The following ZBTB7C variants were observed in gnomAD, a reference collection of about 807,000 sequenced individuals.
The protein encoded by ZBTB7C is zinc finger and BTB domain-containing protein 7C.
ZBTB7C carries 8 observed loss-of-function variants against 25.7 expected under a neutral mutation model. That is an observed-to-expected ratio of 0.31 (90% CI 0.18 to 0.56). The LOEUF (loss-of-function observed/expected upper bound fraction) is 0.56. Among genes scored for constraint, ZBTB7C ranks in the 20% least tolerant of loss-of-function variants. ZBTB7C has a pLI of 0.91. For missense variants in ZBTB7C, 824 were observed against 855.2 expected (o/e 0.96, Z 0.46); for synonymous variants, 394 against 369.0 (o/e 1.07, Z -0.78).
intron 1 of ZBTB7C, among the ~76,000 whole-genome samples, chr18:48,374,952 C>G (rs1208120578): frequency 7.2e-6 from 1 of 139,206 alleles, no homozygotes; most frequent in East Asian, 1.9e-4. Flanking sequence ...GGGTGGGACC[C>G]AAGCTCTTCA....
chr18:48,180,920 A>G lies in ZBTB7C; in HGVS notation c.-17+5014T>C, dbSNP rs200837985. On this transcript the variant is annotated intron_variant, in intron 3 of 4. Coordinates refer to ENST00000590800, the MANE Select transcript of ZBTB7C (RefSeq NM_001318841.2). ...TGATGCAGTCCATTTTAAGTTTTCT[A>G]ACCAGACTGCTTGGCTTCAGATTCC... Among the ~76,000 whole-genome samples, 6 of 152,344 alleles carry G rather than the reference A, an allele frequency of 3.9e-5. No individual in the cohort carries two copies. The East Asian group carries it at 1.2e-3, about 29-fold the overall frequency.
At chr18:48,210,761 T>C (rs540052186) in intron 2 of ZBTB7C, among the ~76,000 whole-genome samples, 2 of 152,268 alleles carry the variant, frequency 1.3e-5, no homozygotes, top group Admixed American at 6.5e-5. Context: ...TCCATGAATG[T>C]CCTAAAAACT....
intron 4 of ZBTB7C, 34 bp downstream of exon 4, chr18:48,039,866 C>T (rs750298697): frequency 1.9e-6 from 3 of 1,602,018 alleles, no homozygotes; most frequent in South Asian, 1.1e-5. Context: ...GGCCTCTGGC[C>T]CCGTGCCCCA....
At chr18:48,395,781 G>C (rs1172144466) in intron 1 of ZBTB7C, among the ~76,000 whole-genome samples, 1 of 152,138 alleles carries the variant, frequency 6.6e-6, no homozygotes, top group Non-Finnish European at 1.5e-5. Flanking sequence ...TGAAGAACAG[G>C]ACATTAGGGA....
At chr18:48,393,256 C>T (rs2047945243) in intron 1 of ZBTB7C, among the ~76,000 whole-genome samples, 2 of 124,454 alleles carry the variant, frequency 1.6e-5, no homozygotes, top group Admixed American at 1.8e-4. Context: ...CTCCCCACCC[C>T]CCACCCCTGC....
chr18:48,233,248 A>AC (rs1472100519), intron 2 of ZBTB7C, among the ~76,000 whole-genome samples: 2 of 151,238 alleles, frequency 1.3e-5, no homozygotes, highest in Non-Finnish European at 2.9e-5. Context: ...CTCTCCCTTC[A>AC]CCCCCCACCT....
At chr18:48,221,862 T>TCCTCTATACTGTCCTAGTCG (rs1568312172) in intron 2 of ZBTB7C, among the ~76,000 whole-genome samples, 15 of 97,674 alleles carry the variant, frequency 1.5e-4, no homozygotes, top group African/African-American at 4.6e-4. Context: ...TGTCCTAGTC[T>TCCTCTATACTGTCCTAGTCG]CCCTCTATAC....
intron 3 of ZBTB7C, among the ~76,000 whole-genome samples, chr18:48,094,214 C>A (rs1158756372): frequency 6.6e-6 from 1 of 152,200 alleles, no homozygotes; most frequent in Non-Finnish European, 1.5e-5. Flanking sequence ...GTCACAGCTG[C>A]CTGGATAATG....
At chr18:48,258,885 G>A (rs952592665) in intron 2 of ZBTB7C, among the ~76,000 whole-genome samples, 1 of 152,166 alleles carries the variant, frequency 6.6e-6, no homozygotes, top group Non-Finnish European at 1.5e-5. Flanking sequence ...TGGAACTCCT[G>A]ACCTCAGGTT....
At chr18:48,401,691 TC>T (rs2048162355) in intron 1 of ZBTB7C, among the ~76,000 whole-genome samples, 1 of 151,680 alleles carries the variant, frequency 6.6e-6, no homozygotes. Flanking sequence ...GTTTGAAGAG[TC>T]CCCATCTCTT....
chr18:48,297,474 T>TA (rs2144723029), intron 2 of ZBTB7C, among the ~76,000 whole-genome samples: 2 of 152,280 alleles, frequency 1.3e-5, no homozygotes, highest in South Asian at 4.1e-4. Flanking sequence ...CTGACTTTTC[T>TA]ACTTGTCCCT....
intron 2 of ZBTB7C, among the ~76,000 whole-genome samples, chr18:48,233,758 G>A (rs1163501328): frequency 6.6e-6 from 1 of 152,196 alleles, no homozygotes; most frequent in Admixed American, 6.5e-5. Context: ...ATTCATCTGT[G>A]CTTTTTTAAT....
intron 1 of ZBTB7C, chr18:48,350,452 A>G (rs2046838877): frequency 6.6e-6 from 1 of 152,238 alleles, no homozygotes; most frequent in East Asian, 1.9e-4. Flanking sequence ...GATTGAGCAC[A>G]TCTGGATAAA....
rs2042571999 is a variant in ZBTB7C at position 48,206,155 on chromosome 18, A to G, written c.-78-20160T>C. Among the ~76,000 whole-genome samples, 2 of 152,336 alleles carry G rather than the reference A, an allele frequency of 1.3e-5. 1 individual carries two copies. The highest frequency in any genetic ancestry group is 4.2e-4 in the South Asian group (2 of 4,816). Reference sequence around the variant, plus strand: ...AATACCCAGGTCAATAATGAAGAAGAACAAAGAGAATTTACACTATGTGAT... The same window carrying G: ...AATACCCAGGTCAATAATGAAGAAGGACAAAGAGAATTTACACTATGTGAT... On this transcript the variant is annotated intron_variant, in intron 2 of 4. Transcript: ENST00000590800.
intron 2 of ZBTB7C, among the ~76,000 whole-genome samples, chr18:48,287,421 G>A (rs1280380985): frequency 1.3e-5 from 2 of 152,166 alleles, no homozygotes; most frequent in African/African-American, 4.8e-5. Context: ...CACTGAATCA[G>A]TAATTTAAAA....
intron 3 of ZBTB7C, among the ~76,000 whole-genome samples, chr18:48,158,925 G>T (rs891651019): frequency 2.0e-5 from 3 of 152,180 alleles, no homozygotes; most frequent in African/African-American, 7.2e-5. Context: ...GCAAATTCCT[G>T]GGCCTCCCCA....
At chr18:48,107,489 A>T (rs1206360619) in intron 3 of ZBTB7C, among the ~76,000 whole-genome samples, 1 of 152,108 alleles carries the variant, frequency 6.6e-6, no homozygotes, top group Non-Finnish European at 1.5e-5. Flanking sequence ...TGCCAGGCAC[A>T]CAGCAGGCTG....
intron 2 of ZBTB7C, among the ~76,000 whole-genome samples, chr18:48,239,008 G>C (rs1343434876): frequency 6.6e-6 from 1 of 152,168 alleles, no homozygotes; most frequent in African/African-American, 2.4e-5. Context: ...GGTGAAGCCT[G>C]TCACTGATGG....
chr18:48,180,065 C>T (rs1195542506), intron 3 of ZBTB7C, among the ~76,000 whole-genome samples: 2 of 137,742 alleles, frequency 1.5e-5, no homozygotes, highest in African/African-American at 5.5e-5. Flanking sequence ...CCCTCCGTAC[C>T]TTCCTTGCAA....
Sources: allele counts gnomAD v4.1 joint callset (sites outside exome capture counted in the v4.1 genomes callset), GRCh38; gene constraint gnomAD v4.1.1; transcripts MANE v1.5; gene names NCBI Gene and HGNC (gene_info 2026-07-23, HGNC 2026-07-21).